PCDH7: variants seen among roughly 807,000 people sequenced by gnomAD.
PCDH7 encodes the protein protocadherin 7, also known as protocadherin-7.
A neutral mutation model predicts 58.9 loss-of-function variants in PCDH7; 17 were observed. The ratio of observed to expected loss-of-function variants is 0.29; its 90% CI spans 0.20 to 0.43. PCDH7 has a LOEUF of 0.43. Among genes scored for constraint, PCDH7 ranks in the 20% least tolerant of loss-of-function variants. The probability of loss-of-function intolerance (pLI) is 1.00; values close to 1 mark genes in which losing one functional copy is unlikely to be tolerated. For synonymous variants in PCDH7, 664 were observed against 616.4 expected (o/e 1.08, Z -1.14); for missense variants, 1,274 against 1,441.0 (o/e 0.88, Z 1.88).
chr4:31,139,005 T>C (rs1041660819), intron 3 of PCDH7, among the ~76,000 whole-genome samples: 6 of 150,892 alleles, frequency 4.0e-5, no homozygotes, highest in African/African-American at 1.2e-4. Flanking sequence ...GAAAAAAAAC[T>C]CTACTTTCAA....
intron 1 of PCDH7, among the ~76,000 whole-genome samples, chr4:30,810,616 CTT>C (rs61597613): frequency 1.4e-5 from 2 of 140,278 alleles, no homozygotes; most frequent in African/African-American, 2.6e-5. Context: ...TTCTCATTTT[CTT>C]TTTTTTTTTT....
intron 1 of PCDH7, among the ~76,000 whole-genome samples, chr4:30,761,043 G>T (rs1719956380): frequency 6.6e-6 from 1 of 152,180 alleles, no homozygotes; most frequent in Non-Finnish European, 1.5e-5. Context: ...TAAAGGAACT[G>T]CTCTCTGTTT....
chr4:31,059,150 G>T (rs61794080), intron 3 of PCDH7, among the ~76,000 whole-genome samples: 1,665 of 151,804 alleles, frequency 0.011, 12 homozygotes, highest in Non-Finnish European at 0.017. Flanking sequence ...TTTTGTATTT[G>T]CTGACTTTCA....
chr4:30,881,935 G>A (rs1464176888), intron 1 of PCDH7, among the ~76,000 whole-genome samples: 1 of 152,116 alleles, frequency 6.6e-6, no homozygotes, highest in Non-Finnish European at 1.5e-5. Context: ...TAAAGTAACA[G>A]ATAACAACTG....
At chr4:30,931,186 A>G (rs1374211800) in intron 2 of PCDH7, among the ~76,000 whole-genome samples, 9 of 152,162 alleles carry the variant, frequency 5.9e-5, no homozygotes, top group Non-Finnish European at 1.0e-4. Context: ...TAAACTGCTT[A>G]AAGACAGGAC....
intron 3 of PCDH7, among the ~76,000 whole-genome samples, chr4:30,989,328 G>C (rs1275259264): frequency 6.6e-6 from 1 of 152,068 alleles, no homozygotes; most frequent in Admixed American, 6.6e-5. Context: ...TAGTACTTAT[G>C]AATGGTATCT....
At chr4:31,058,344 A>G (rs1202741728) in intron 3 of PCDH7, among the ~76,000 whole-genome samples, 1 of 152,028 alleles carries the variant, frequency 6.6e-6, no homozygotes, top group African/African-American at 2.4e-5. Context: ...GGTTCTGTGA[A>G]ATTCATCTTA....
intron 2 of PCDH7, among the ~76,000 whole-genome samples, chr4:30,943,673 C>T (rs1438898155): frequency 6.6e-6 from 1 of 151,922 alleles, no homozygotes; most frequent in African/African-American, 2.4e-5. Context: ...TGAGTGTGGT[C>T]CAAAACACAT....
intron 1 of PCDH7, among the ~76,000 whole-genome samples, chr4:30,917,678 G>A (rs1042399885): frequency 6.6e-6 from 1 of 151,862 alleles, no homozygotes; most frequent in Admixed American, 6.6e-5. Context: ...ATTAAAATAT[G>A]CACAGTCAAA....
intron 3 of PCDH7, among the ~76,000 whole-genome samples, chr4:30,991,684 G>C (rs1268896804): frequency 1.3e-5 from 2 of 152,124 alleles, no homozygotes; most frequent in African/African-American, 4.8e-5. Flanking sequence ...ACTGGTCATC[G>C]TTCTTTTGGA....
intron 3 of PCDH7, among the ~76,000 whole-genome samples, chr4:31,067,118 G>A (rs1191993531): frequency 6.6e-6 from 1 of 151,896 alleles, no homozygotes; most frequent in African/African-American, 2.4e-5. Context: ...GGAGATCCAT[G>A]CTTTCCAAGT....
intron 3 of PCDH7, among the ~76,000 whole-genome samples, chr4:31,093,314 T>C (rs919715336): frequency 5.3e-5 from 8 of 152,184 alleles, no homozygotes; most frequent in African/African-American, 1.9e-4. Context: ...ACTGTTTGCT[T>C]CCCTCTTGCT....
rs2109228110 is a variant in PCDH7, at chr4:30,723,755, A to T, written c.2333A>T (p.Asp778Val). 1 of 1,614,136 alleles carries T rather than the reference A, an allele frequency of 6.2e-7. No individual in the cohort carries two copies. The highest frequency in any genetic ancestry group is 2.2e-5 in the East Asian group (1 of 44,854). The change falls in exon 1 of 2, where the codon GAC becomes GTC. Residue 778 changes from aspartate (D) to valine (V), a missense_variant. Asp to Val is a radical substitution (Grantham distance 152, BLOSUM62 -3). Around this residue, in one of 3 missense-constraint regions of PCDH7, gnomAD observed 731 missense variants for 881.9 expected, o/e 0.83. Coordinates refer to ENST00000361762, the Ensembl canonical transcript of PCDH7. The surrounding 1 kb of genome is among the most constrained non-coding windows in gnomAD (Gnocchi z 4.6). ...GACAGTGATGATGGCATCAATGCAGACCTGAACTACAGCATTGTGGGAGGA... is the reference window on the plus strand; with the variant it reads ...GACAGTGATGATGGCATCAATGCAGTCCTGAACTACAGCATTGTGGGAGGA...
intron 3 of PCDH7, among the ~76,000 whole-genome samples, chr4:31,141,480 C>G (rs1720249171): frequency 2.0e-5 from 3 of 152,230 alleles, no homozygotes; most frequent in African/African-American, 4.8e-5. Flanking sequence ...CTCCCATTCT[C>G]TCTTTCTCAA....
chr4:30,922,288 A>G (rs994078307), intron 2 of PCDH7, among the ~76,000 whole-genome samples: 7 of 152,098 alleles, frequency 4.6e-5, no homozygotes, highest in Middle Eastern at 3.4e-3. Flanking sequence ...ATCTGAGATT[A>G]CCTGTTCATG....
chr4:31,073,723 A>G (rs1758750893), intron 3 of PCDH7, among the ~76,000 whole-genome samples: 4 of 152,220 alleles, frequency 2.6e-5, no homozygotes. Context: ...GGATTATTTC[A>G]CTGTTTGCAT....
Position 31,128,219 on chromosome 4 carries a change from T to C in PCDH7, c.*8-14254T>C, listed in dbSNP as rs1010609822. Among the ~76,000 whole-genome samples, 6 of 151,990 alleles carry C rather than the reference T, an allele frequency of 3.9e-5. No individual in the cohort carries two copies. The South Asian group carries it at 1.0e-3, about 26-fold the overall frequency. On this transcript the variant is annotated intron_variant, in intron 3 of 3. Transcript: ENST00000509759. ...TCTTCTTTAAGTAACCTGAACTTCA[T>C]GTAAAGCTGGTTAGAGCTCCTTAAA...
intron 3 of PCDH7, among the ~76,000 whole-genome samples, chr4:30,987,079 T>A (rs912439365): frequency 2.0e-5 from 3 of 152,206 alleles, no homozygotes; most frequent in African/African-American, 7.2e-5. Flanking sequence ...TATTCATAGA[T>A]CATAAATTAG....
At chr4:31,028,219 A>G (rs961327366) in intron 3 of PCDH7, among the ~76,000 whole-genome samples, 3 of 152,208 alleles carry the variant, frequency 2.0e-5, no homozygotes, top group Non-Finnish European at 4.4e-5. Flanking sequence ...GCAGTGTTAT[A>G]CACAGGAATA....
Sources: gnomAD v4.1 joint callset for allele counts (sites outside exome capture counted in the v4.1 genomes callset) on GRCh38, gnomAD v4.1.1 for gene constraint, gnomAD v4.1.1 regional missense constraint, Gnocchi (gnomAD v3.1) non-coding constraint, MANE v1.5 for transcripts, NCBI Gene and HGNC (gene_info 2026-07-23, HGNC 2026-07-21) for gene names.